Variants in HAT1 observed in about 807,000 individuals in gnomAD.
HAT1 encodes the protein histone acetyltransferase type B catalytic subunit.
Under a neutral mutation model 56.6 loss-of-function variants are expected in HAT1, and 20 were observed. The ratio of observed to expected loss-of-function variants is 0.35; its 90% confidence interval spans 0.25 to 0.51. The LOEUF is 0.51. HAT1 is among the 20% of genes least tolerant of loss of function. HAT1 has a pLI of 0.95. For missense variants in HAT1, 408 were observed against 504.3 expected, an observed-to-expected ratio of 0.81 and a Z score of 1.83; for synonymous variants, 146 against 165.5, an observed-to-expected ratio of 0.88 and a Z score of 0.91.
Position 171,950,298 on chromosome 2 carries a change from C to T in HAT1, c.189-2583C>T, listed in dbSNP as rs148464488. The stretch of plus-strand genomic sequence containing the variant: ...AAGCGATTCTCATGCCTCAGCCTCC[C>T]GAGTAGCTGGGACTACAGGTGTGTG... On this transcript the variant is annotated intron_variant, in intron 3 of 10. Coordinates refer to ENST00000264108, the MANE Select transcript of HAT1 (RefSeq NM_003642.4). Among the ~76,000 whole-genome samples, 55 of 151,812 alleles carry T rather than the reference C, an allele frequency of 3.6e-4. 2 individuals carry two copies. The highest frequency in any genetic ancestry group is 1.3e-3 in the African/African-American group (53 of 41,346).
rs934877972 is a variant in HAT1, at chr2:171,976,151, A to G, written c.824-6A>G. On this transcript the variant is annotated splice_polypyrimidine_tract_variant and splice_region_variant and intron_variant, in intron 8 of 10. Transcript: ENST00000264108. ...ATGTTAATATTATTCTGCTTTATTT[A>G]TTTAGCGGAAGATCCATCCAAAAGC... 1.2e-5 allele frequency: 17 copies of G among 1,471,904 alleles called. No individual in the cohort carries two copies. Among genetic ancestry groups the G allele is most frequent in the Non-Finnish European group, 1.5e-5 (17 of 1,104,676 alleles). 91.2% of individuals were successfully genotyped at this position (1,471,904 alleles called of 1,614,324 possible). A position where few individuals can be genotyped will look rare whatever the true frequency, so the allele number is the denominator to read the frequency against.
At chr2:171,928,750 C>T (rs1686661912) in intron 2 of HAT1, among the ~76,000 whole-genome samples, 2 of 151,974 alleles carry the variant, frequency 1.3e-5, no homozygotes, top group East Asian at 1.9e-4. Context: ...GCTTCATGAT[C>T]GCCTGCCTTG....
chr2:171,937,154 C>G (rs1326982936), intron 2 of HAT1, among the ~76,000 whole-genome samples: 6 of 151,490 alleles, frequency 4.0e-5, no homozygotes, highest in Non-Finnish European at 8.9e-5. Flanking sequence ...GGGGTTTTGC[C>G]GTGTTGCCCA....
chr2:171,966,006 T>C, intron 6 of HAT1, 98 bp downstream of exon 6: 1 of 1,107,608 alleles, frequency 9.0e-7, no homozygotes, highest in Non-Finnish European at 1.3e-6. Flanking sequence ...TAATGATATT[T>C]TTCCCAGGAA....
At chr2:171,942,644 T>C (rs567043584) in intron 2 of HAT1, among the ~76,000 whole-genome samples, 1 of 152,220 alleles carries the variant, frequency 6.6e-6, no homozygotes. Flanking sequence ...AAATATTTAA[T>C]GTTTCTGATA....
chr2:171,929,204 T>C (rs7340516), intron 2 of HAT1, among the ~76,000 whole-genome samples: 34,371 of 152,114 alleles, frequency 0.23, 4,894 homozygotes, highest in African/African-American at 0.38. Context: ...TTTAATTGTC[T>C]TTTCCCTCAT....
chr2:171,955,337 C>G (rs553164273), intron 4 of HAT1, among the ~76,000 whole-genome samples: 2 of 152,092 alleles, frequency 1.3e-5, no homozygotes, highest in Non-Finnish European at 2.9e-5. Context: ...ATGGGCTGGG[C>G]GCAGTGGCTC....
chr2:171,976,454 C>T (rs932164421), intron 9 of HAT1, 146 bp downstream of exon 9: 1 of 386,922 alleles, frequency 2.6e-6, no homozygotes, highest in Non-Finnish European at 4.5e-6. Flanking sequence ...AGCCAAATTG[C>T]CTGAGTTCAA....
chr2:171,966,491 G>C lies in HAT1; in HGVS notation c.694G>C (p.Asp232His), dbSNP rs745340880. Residue 232 changes from aspartate (D) to histidine (H), a missense_variant, in exon 7 of 11, where the codon GAC (aspartate) becomes CAC (histidine). Coordinates refer to ENST00000264108, the MANE Select transcript of HAT1 (RefSeq NM_003642.4). ...AGTCTATAATTACTATGTGTACCCAGACAAAACCCGGCCACGTGTAAGGTA... is the reference window on the plus strand; with the variant it reads ...AGTCTATAATTACTATGTGTACCCACACAAAACCCGGCCACGTGTAAGGTA... The part of the protein sequence containing the change: ...MTVYNYYVYP[D>H]KTRPRVSQML... 6.3e-7 allele frequency: 1 copy of C among 1,575,272 alleles called. No individual in the cohort carries two copies. Among genetic ancestry groups the C allele is most frequent in the South Asian group, 1.1e-5 (1 of 90,270 alleles).
intron 2 of HAT1, among the ~76,000 whole-genome samples, chr2:171,938,183 G>C (rs1013902399): frequency 1.3e-5 from 2 of 152,066 alleles, no homozygotes; most frequent in Non-Finnish European, 2.9e-5. Flanking sequence ...CTTAAGGCTA[G>C]AGGAGTTCAA....
chr2:171,938,359 T>C (rs1027851063), intron 2 of HAT1, among the ~76,000 whole-genome samples: 16 of 152,172 alleles, frequency 1.1e-4, no homozygotes, highest in African/African-American at 3.6e-4. Context: ...CAATTTTTCT[T>C]CAGACCAGGG....
At chr2:171,936,562 T>G (rs1329261565) in intron 2 of HAT1, among the ~76,000 whole-genome samples, 1 of 152,106 alleles carries the variant, frequency 6.6e-6, no homozygotes, top group African/African-American at 2.4e-5. Flanking sequence ...AGAATCCCAG[T>G]GATAAGGGAA....
intron 2 of HAT1, among the ~76,000 whole-genome samples, chr2:171,943,641 T>G (rs2105316668): frequency 6.6e-6 from 1 of 150,952 alleles, no homozygotes; most frequent in African/African-American, 2.4e-5. Context: ...CTTTAGTATG[T>G]GTGTATTTTT....
chr2:171,963,779 C>A (rs562494899), intron 4 of HAT1, among the ~76,000 whole-genome samples: 1 of 152,026 alleles, frequency 6.6e-6, no homozygotes, highest in Admixed American at 6.6e-5. Context: ...AATATGCTTA[C>A]GATGGCCTCT....
At chr2:171,941,222 G>GT (rs1410358581) in intron 2 of HAT1, among the ~76,000 whole-genome samples, 6 of 151,646 alleles carry the variant, frequency 4.0e-5, no homozygotes, top group Admixed American at 1.3e-4. Flanking sequence ...TTGTTGTTTT[G>GT]TTTTTTTTGA....
intron 8 of HAT1, among the ~76,000 whole-genome samples, chr2:171,969,300 A>C (rs886072611): frequency 6.6e-6 from 1 of 152,114 alleles, no homozygotes; most frequent in Non-Finnish European, 1.5e-5. Context: ...AATGTACTTT[A>C]TTGTTCTGGG....
intron 2 of HAT1, among the ~76,000 whole-genome samples, chr2:171,944,854 A>G (rs1687116747): frequency 2.6e-5 from 4 of 151,964 alleles, no homozygotes; most frequent in Admixed American, 6.6e-5. Flanking sequence ...AGTGTTAGAA[A>G]TTTTTCATCT....
chr2:171,966,427 G>C lies in HAT1; in HGVS notation c.630G>C (p.Lys210Asn). 2 of 1,580,354 alleles carry C rather than the reference G, an allele frequency of 1.3e-6. No individual in the cohort carries two copies. The highest frequency in any genetic ancestry group is 1.7e-6 in the Non-Finnish European group (2 of 1,149,206). The part of the protein sequence containing the change: ...HYFLVFEKYN[K>N]DGATLFATVG... ...TCTGCAGATTTGAGAAGTATAATAA[G>C]GATGGAGCTACGCTCTTTGCGACCG... is the stretch of plus-strand genomic sequence containing the variant. The change falls in exon 7 of 11, where the codon AAG becomes AAC. Residue 210 changes from lysine to asparagine, a missense_variant. Coordinates refer to ENST00000264108, the MANE Select transcript of HAT1 (RefSeq NM_003642.4).
chr2:171,965,975 A>T, intron 6 of HAT1, 67 bp downstream of exon 6: 1 of 1,366,484 alleles, frequency 7.3e-7, no homozygotes, highest in Non-Finnish European at 1.0e-6. Flanking sequence ...TAATTGTGGC[A>T]GCCCAATTAT....
Sources: allele counts gnomAD v4.1 joint callset (sites outside exome capture counted in the v4.1 genomes callset), GRCh38; gene constraint gnomAD v4.1.1; transcripts MANE v1.5; gene names NCBI Gene and HGNC (gene_info 2026-07-23, HGNC 2026-07-21).